Variants in IGSF9B observed in about 807,000 individuals in gnomAD.
IGSF9B encodes immunoglobulin superfamily member 9B.
IGSF9B carries 48 observed loss-of-function variants against 143.7 expected under a neutral mutation model. That is an observed-to-expected ratio of 0.33 (90% confidence interval 0.26 to 0.42). The LOEUF (loss-of-function observed/expected upper bound fraction) is 0.42. IGSF9B is among the 20% of genes least tolerant of loss of function. The pLI, the probability that IGSF9B is intolerant of heterozygous loss-of-function variation, is 1.00. For missense variants in IGSF9B, 1,706 were observed against 1,980.0 expected (o/e 0.86, Z 2.63); for synonymous variants, 903 against 833.1 (o/e 1.08, Z -1.44).
At position 133,931,317 on chromosome 11, in the gene IGSF9B, G is replaced by A. The variant is rs1421173965; in HGVS notation, c.1368+136C>T. On this transcript the variant is annotated intron_variant, in intron 10 of 19. Coordinates refer to ENST00000533871, the MANE Select transcript of IGSF9B (RefSeq NM_001277285.4). This position sits in a 1 kb window ranked among gnomAD's most constrained non-coding sequence, Gnocchi z 7.7. ...ATCTAGCCTGGTCAGGGCAGGTCCA[G>A]AATAGAACTGCTCGCTGGGCCCTCA... 2 of 852,170 alleles carry A rather than the reference G, an allele frequency of 2.3e-6. No individual in the cohort carries two copies. Among genetic ancestry groups the A allele is most frequent in the African/African-American group, 1.7e-5 (1 of 58,828 alleles). 52.8% of individuals were successfully genotyped at this position (852,170 alleles called of 1,614,324 possible). A position where few individuals can be genotyped will look rare whatever the true frequency, so the allele number is the denominator to read the frequency against.
intron 18 of IGSF9B, among the ~76,000 whole-genome samples, chr11:133,918,802 CAGAGAGAG>C (rs34060525): frequency 1.4e-5 from 2 of 148,090 alleles, no homozygotes; most frequent in South Asian, 4.5e-4. Context: ...AGGACGGAGC[CAGAGAGAG>C]AGAGAGAGAG....
intron 17 of IGSF9B, among the ~76,000 whole-genome samples, 171 bp from the exon 18 acceptor site, chr11:133,921,568 A>C (rs1042079990): frequency 2.0e-5 from 3 of 151,470 alleles, no homozygotes; most frequent in Admixed American, 1.3e-4. Context: ...TCTGGACGTG[A>C]ATCCTCCTTT....
At chr11:133,938,521 T>C (rs1939866939) in intron 3 of IGSF9B, among the ~76,000 whole-genome samples, 1 of 152,208 alleles carries the variant, frequency 6.6e-6, no homozygotes, top group South Asian at 2.1e-4. Context: ...GCCACTCCCT[T>C]CTTCATTTTC....
Position 133,948,461 on chromosome 11 carries a change from G to A in IGSF9B, c.65-2203C>T, listed in dbSNP as rs1940099022. On this transcript the variant is annotated intron_variant, in intron 1 of 19. Coordinates refer to ENST00000533871, the MANE Select transcript of IGSF9B (RefSeq NM_001277285.4). This position sits in a 1 kb window ranked among gnomAD's most constrained non-coding sequence, Gnocchi z 4.7. Reference sequence around the variant, plus strand: ...CTAAGTTTGCAACCCAGCCCCTCAGGGAAAGCAGGGAGAGTGCCCAGCTGC... The same window carrying A: ...CTAAGTTTGCAACCCAGCCCCTCAGAGAAAGCAGGGAGAGTGCCCAGCTGC... 1.3e-5 allele frequency among the ~76,000 whole-genome samples: 2 copies of A among 152,124 alleles called. No individual in the cohort carries two copies. Among genetic ancestry groups the A allele is most frequent in the African/African-American group, 4.8e-5 (2 of 41,426 alleles).
intron 5 of IGSF9B, among the ~76,000 whole-genome samples, chr11:133,936,717 C>A (rs1051364440): frequency 3.3e-5 from 5 of 152,156 alleles, no homozygotes; most frequent in Non-Finnish European, 7.4e-5. Context: ...GGCTGCTGCT[C>A]GGCACTCAGA....
intron 17 of IGSF9B, among the ~76,000 whole-genome samples, 155 bp from the exon 18 acceptor site, chr11:133,921,552 C>A (rs907642579): frequency 6.6e-6 from 1 of 152,114 alleles, no homozygotes; most frequent in East Asian, 1.9e-4. Flanking sequence ...GGCCAACTCT[C>A]CACCGTCTGG....
rs1265509731 is a variant in IGSF9B at position 133,905,731 on chromosome 11, G to A, written c.*3338C>T. Among the ~76,000 whole-genome samples, 1 of 152,134 alleles carries A rather than the reference G, an allele frequency of 6.6e-6. No individual in the cohort carries two copies. The highest frequency in any genetic ancestry group is 1.5e-5 in the Non-Finnish European group (1 of 68,026). On this transcript the variant is annotated 3_prime_UTR_variant, in exon 20 of 20. Transcript: ENST00000533871. The surrounding 1 kb of genome is among the most constrained non-coding windows in gnomAD (Gnocchi z 4.0). The stretch of plus-strand genomic sequence containing the variant: ...CCTGTCCTACCCCCAGTCTCTCCAG[G>A]GAAGCTGCTTAGAGGCAGACTGGCA...
intron 11 of IGSF9B, 78 bp downstream of exon 11, chr11:133,930,906 G>A (rs548079070): frequency 7.4e-5 from 104 of 1,406,906 alleles, no homozygotes; most frequent in African/African-American, 6.7e-4. Flanking sequence ...ACCAGGGGAC[G>A]CTCCCAGCGT....
At chr11:133,954,527 T>C (rs1175398364) in intron 1 of IGSF9B, among the ~76,000 whole-genome samples, 7 of 152,156 alleles carry the variant, frequency 4.6e-5, no homozygotes, top group Admixed American at 2.6e-4. Flanking sequence ...ACTGAGAAAA[T>C]AATGTTAATG....
rs1350497795 is a variant in IGSF9B, at chr11:133,903,152, C to T, written c.*5917G>A. 1.3e-5 allele frequency among the ~76,000 whole-genome samples: 2 copies of T among 152,034 alleles called. No homozygotes were observed. The highest frequency in any genetic ancestry group is 2.1e-4 in the South Asian group (1 of 4,806). On this transcript the variant is annotated 3_prime_UTR_variant, in exon 20 of 20. Coordinates refer to ENST00000533871, the MANE Select transcript of IGSF9B (RefSeq NM_001277285.4). ...GCTAACTGGTGTGTATACGGGGTGGCGAGGGAGAACCTGCCCTAGTTCGCA... is the reference window on the plus strand; with the variant it reads ...GCTAACTGGTGTGTATACGGGGTGGTGAGGGAGAACCTGCCCTAGTTCGCA...
At position 133,937,900 on chromosome 11, in the gene IGSF9B, G is replaced by A. The variant is rs761303400; in HGVS notation, c.471C>T (p.Ile157=). Residue 157 remains isoleucine (I), a synonymous_variant, in exon 4 of 20, where the codon ATC becomes ATT. Coordinates refer to ENST00000533871, the MANE Select transcript of IGSF9B (RefSeq NM_001277285.4). ...TCCCAAAAGCTGTGCAGGTCATGGT[G>A]ATACTACCACCCTCCTTGGCCTCGA... The part of the protein sequence containing the change: ...QYIEAKEGGS[I]TMTCTAFGNP... 4.3e-6 allele frequency: 7 copies of A among 1,612,882 alleles called. No homozygotes were observed. Among genetic ancestry groups the A allele is most frequent in the Non-Finnish European group, 4.2e-6 (5 of 1,179,426 alleles).
chr11:133,944,406 G>T, intron 2 of IGSF9B, 40 bp from the exon 3 acceptor site: 1 of 1,607,252 alleles, frequency 6.2e-7, no homozygotes, highest in Non-Finnish European at 8.5e-7. Flanking sequence ...CAGGCCATCA[G>T]GTAAGGACAG....
At position 133,931,658 on chromosome 11, in the gene IGSF9B, C is replaced by G. The variant is rs1410804537; in HGVS notation, c.1248G>C (p.Leu416=). The change falls in exon 9 of 20, where the codon CTG becomes CTC. Residue 416 remains leucine, a synonymous_variant. Coordinates refer to ENST00000533871, the MANE Select transcript of IGSF9B (RefSeq NM_001277285.4). The surrounding 1 kb of genome is among the most constrained non-coding windows in gnomAD (Gnocchi z 7.7). ...CGTCACAGCCCTGGGACCTCACCTT[C>G]AGGACAAGCCTCGCAGGGGCAGACT... is the stretch of plus-strand genomic sequence containing the variant. ...MGQSAPARLV[L]KDPPYFTVLP... is the part of the protein sequence containing the mutation. 6.2e-7 allele frequency: 1 copy of G among 1,608,656 alleles called. No individual in the cohort carries two copies. The highest frequency in any genetic ancestry group is 8.5e-7 in the Non-Finnish European group (1 of 1,176,998).
In IGSF9B at chr11:133,922,215, T is replaced by C. The variant is rs759136554; in HGVS notation, c.2289A>G (p.Pro763=). 6.2e-7 allele frequency: 1 copy of C among 1,611,964 alleles called. No individual in the cohort carries two copies. The highest frequency in any genetic ancestry group is 2.2e-5 in the East Asian group (1 of 44,798). ...KRKLKRKKDP[P]LSITHCRKSL... The stretch of plus-strand genomic sequence containing the variant: ...TCTTCCTGCAGTGGGTGATGGAGAG[T>C]GGAGGGTCTGGAAGGAAAGAGAAGG... The change falls in exon 17 of 20, where the codon CCA becomes CCG. Residue 763 remains proline (P), a synonymous_variant. Transcript: ENST00000533871.
chr11:133,916,374 A>C (rs1939382950), intron 18 of IGSF9B, among the ~76,000 whole-genome samples: 2 of 152,242 alleles, frequency 1.3e-5, no homozygotes, highest in Admixed American at 6.5e-5. Flanking sequence ...GCACGTGGAC[A>C]AGAGCTGTCA....
chr11:133,956,829 C>A lies in IGSF9B; in HGVS notation c.-75G>T. The A allele has an allele frequency of 2.2e-6, 2 of 917,058 alleles. No homozygotes were observed. The highest frequency in any genetic ancestry group is 2.5e-4 in the Middle Eastern group (1 of 4,056). 56.8% of individuals were successfully genotyped at this position (917,058 alleles called of 1,614,324 possible). A position where few individuals can be genotyped will look rare whatever the true frequency, so the allele number is the denominator to read the frequency against. Reference sequence around the variant, plus strand: ...CGCCCGCACGCGCCTCGCGCCCGAGCGCCCGCCTCGCGCCCGCCTCGCGCC... The same window carrying A: ...CGCCCGCACGCGCCTCGCGCCCGAGAGCCCGCCTCGCGCCCGCCTCGCGCC... On this transcript the variant is annotated 5_prime_UTR_variant, in exon 1 of 20. Coordinates refer to ENST00000533871, the MANE Select transcript of IGSF9B (RefSeq NM_001277285.4).
rs567995253 is a variant in IGSF9B, at chr11:133,953,169, G to T, written c.64+3522C>A. ...TGATGCTGGGGCTCAGAATCTTCCA[G>T]CGAGGCAGCCTCTGCTCCTCTGTAA... is the stretch of plus-strand genomic sequence containing the variant. On this transcript the variant is annotated intron_variant, in intron 1 of 19. Transcript: ENST00000533871. This position sits in a 1 kb window ranked among gnomAD's most constrained non-coding sequence, Gnocchi z 4.2. Among the ~76,000 whole-genome samples, 5 of 152,188 alleles carry T rather than the reference G, an allele frequency of 3.3e-5. No homozygotes were observed. Among genetic ancestry groups the T allele is most frequent in the Non-Finnish European group, 5.9e-5 (4 of 68,024 alleles).
intron 18 of IGSF9B, among the ~76,000 whole-genome samples, chr11:133,918,471 G>T (rs1939436178): frequency 6.6e-6 from 1 of 152,164 alleles, no homozygotes; most frequent in Non-Finnish European, 1.5e-5. Flanking sequence ...GAAGGAAGCA[G>T]ATGAGCTGAG....
rs763656344 is a variant in IGSF9B, at chr11:133,925,831, T to A, written c.1942A>T (p.Ile648Phe). The A allele has an allele frequency of 1.2e-6, 2 of 1,613,882 alleles. No individual in the cohort carries two copies. The highest frequency in any genetic ancestry group is 1.7e-5 in the Admixed American group (1 of 60,020). The change falls in exon 14 of 20, where the codon ATC becomes TTC. Residue 648 changes from isoleucine to phenylalanine, a missense_variant. By Grantham distance (21) the Ile-to-Phe change is conservative. This residue lies in a region of IGSF9B where 267 missense variants were observed against 321.1 expected (regional missense o/e 0.83). Coordinates refer to ENST00000533871, the MANE Select transcript of IGSF9B (RefSeq NM_001277285.4). Reference sequence around the variant, plus strand: ...CGCTCTGCGACACGGAACTCCATGATGTAGCGGTCGATGGGAAAGCTGTGG... The same window carrying A: ...CGCTCTGCGACACGGAACTCCATGAAGTAGCGGTCGATGGGAAAGCTGTGG... ...ANHSFPIDRY[I>F]MEFRVAERWE...
Sources: gnomAD v4.1 joint callset for allele counts (sites outside exome capture counted in the v4.1 genomes callset) on GRCh38, gnomAD v4.1.1 for gene constraint, gnomAD v4.1.1 regional missense constraint, Gnocchi (gnomAD v3.1) non-coding constraint, MANE v1.5 for transcripts, NCBI Gene and HGNC (gene_info 2026-07-23, HGNC 2026-07-21) for gene names.